Variants in CUBN observed in about 807,000 individuals in gnomAD.
CUBN encodes 460 kDa receptor.
In CUBN, 282 loss-of-function variants were observed where a neutral mutation model predicts 405.3. The ratio of observed to expected loss-of-function variants is 0.70; its 90% confidence interval spans 0.63 to 0.77. CUBN has a LOEUF of 0.77. Ranked by LOEUF, CUBN falls within the 30% of genes least tolerant of loss-of-function variation. CUBN has a pLI of 0.00. For missense variants in CUBN, 4,514 were observed against 4,475.2 expected, an observed-to-expected ratio of 1.01 and a Z score of -0.25; for synonymous variants, 1,684 against 1,617.0, an observed-to-expected ratio of 1.04 and a Z score of -0.99.
rs186741978 is a variant in CUBN, at chr10:16,957,306, T to C, written c.4696-2758A>G. On this transcript the variant is annotated intron_variant, in intron 31 of 66. Transcript: ENST00000377833. ...CATGCAATATTTATCTTTCTGTGCC[T>C]GGCTTATTTCCATGAACATAAAGTC... 2.9e-3 allele frequency among the ~76,000 whole-genome samples: 437 copies of C among 152,318 alleles called. 4 individuals are homozygous for C. Among genetic ancestry groups the C allele is most frequent in the East Asian group, 3.5e-3 (18 of 5,186 alleles).
intron 56 of CUBN, among the ~76,000 whole-genome samples, chr10:16,887,730 T>A (rs915342514): frequency 2.0e-5 from 3 of 152,172 alleles, no homozygotes; most frequent in African/African-American, 7.2e-5. Context: ...TGGGCATAGA[T>A]CCAAAGGAAA....
intron 25 of CUBN, among the ~76,000 whole-genome samples, chr10:17,044,500 A>G (rs1201494329): frequency 6.6e-6 from 1 of 152,046 alleles, no homozygotes; most frequent in African/African-American, 2.4e-5. Context: ...AAAGCCCAAT[A>G]CATATTGTAA....
At chr10:17,122,303 C>G (rs1338181225) in intron 6 of CUBN, 1 of 228,192 alleles carries the variant, frequency 4.4e-6, no homozygotes, top group Non-Finnish European at 8.8e-6. Flanking sequence ...TTCATTGAAC[C>G]TCAGTTTAAT....
chr10:17,036,046 A>G (rs1202862725), intron 27 of CUBN, among the ~76,000 whole-genome samples: 4 of 152,090 alleles, frequency 2.6e-5, no homozygotes, highest in Admixed American at 2.0e-4. Flanking sequence ...TTAGCATTCC[A>G]GCGGAATCTA....
intron 31 of CUBN, among the ~76,000 whole-genome samples, chr10:16,972,283 A>T (rs1208710941): frequency 6.6e-6 from 1 of 152,078 alleles, no homozygotes; most frequent in Non-Finnish European, 1.5e-5. Context: ...ATAACCACCC[A>T]ATATACAGAA....
chr10:16,961,814 C>T (rs2131646622), intron 31 of CUBN, among the ~76,000 whole-genome samples: 1 of 147,998 alleles, frequency 6.8e-6, no homozygotes, highest in Admixed American at 6.9e-5. Context: ...CGGGTTCACG[C>T]CATTCTCCTG....
In CUBN at chr10:16,961,428, A is replaced by G. The variant is rs1259595396; in HGVS notation, c.4696-6880T>C. On this transcript the variant is annotated intron_variant, in intron 31 of 66. Coordinates refer to ENST00000377833, the MANE Select transcript of CUBN (RefSeq NM_001081.4). ...ATTTGCATAAATGTCCATCATTTCT[A>G]AAGTTAACATGTGTTCAACTTTGTC... Among the ~76,000 whole-genome samples the G allele has an allele frequency of 2.6e-5, 4 of 152,152 alleles. No individual in the cohort carries two copies. In the East Asian group the frequency reaches 5.8e-4, roughly 22 times the overall value.
In CUBN at chr10:16,940,255, A is replaced by T. The variant is rs1439395528; in HGVS notation, c.5343-18T>A. On this transcript the variant is annotated intron_variant, in intron 36 of 66. Coordinates refer to ENST00000377833, the MANE Select transcript of CUBN (RefSeq NM_001081.4). Reference sequence around the variant, plus strand: ...GGAAAGATCTGATTTGGGGAAAAAAATATTTAAAGGGATTAAATTGAGAGA... The same window carrying T: ...GGAAAGATCTGATTTGGGGAAAAAATTATTTAAAGGGATTAAATTGAGAGA... 1 of 1,603,064 alleles carries T rather than the reference A, an allele frequency of 6.2e-7. No homozygotes were observed.
chr10:17,057,623 G>A (rs766607157), intron 22 of CUBN, among the ~76,000 whole-genome samples: 1 of 151,864 alleles, frequency 6.6e-6, no homozygotes, highest in Non-Finnish European at 1.5e-5. Flanking sequence ...GAATGAATAC[G>A]TCCACAAAAA....
Position 16,933,202 on chromosome 10 carries a change from T to C in CUBN, c.6009A>G (p.Arg2003=), listed in dbSNP as rs142138187. 1.2e-5 allele frequency: 20 copies of C among 1,613,968 alleles called. No homozygotes were observed. Among genetic ancestry groups the C allele is most frequent in the Non-Finnish European group, 1.7e-5 (20 of 1,179,970 alleles). ...CCTGGATGAGCCACGTACAGTCCAC[T>C]CTATTACTGTAACTGTCAGGCCAGC... ...SPGWPDSYSN[R]VDCTWLIQAP... Residue 2003 remains arginine, a synonymous_variant, in exon 40 of 67, where the codon AGA becomes AGG. Transcript: ENST00000377833.
chr10:17,087,680 T>G (rs1270245486), intron 15 of CUBN, among the ~76,000 whole-genome samples: 1 of 151,970 alleles, frequency 6.6e-6, no homozygotes, highest in Non-Finnish European at 1.5e-5. Flanking sequence ...TTCACCATGT[T>G]GGCCAGGCTG....
intron 29 of CUBN, among the ~76,000 whole-genome samples, chr10:16,988,702 A>T (rs1364862293): frequency 6.6e-6 from 1 of 152,156 alleles, no homozygotes; most frequent in Non-Finnish European, 1.5e-5. Flanking sequence ...AGTTTTTGTT[A>T]AAGTTTCCTG....
At chr10:17,110,309 C>A (rs572843199) in intron 9 of CUBN, among the ~76,000 whole-genome samples, 2 of 152,138 alleles carry the variant, frequency 1.3e-5, no homozygotes, top group Non-Finnish European at 2.9e-5. Flanking sequence ...ACAAATTATT[C>A]GTGAGGGCAA....
At chr10:16,944,704 G>A (rs1030128443) in intron 36 of CUBN, among the ~76,000 whole-genome samples, 11 of 152,192 alleles carry the variant, frequency 7.2e-5, no homozygotes, top group African/African-American at 1.7e-4. Flanking sequence ...TCTTACAGGC[G>A]AGAAAGGAAA....
At chr10:16,944,637 A>C (rs545219309) in intron 36 of CUBN, among the ~76,000 whole-genome samples, 1 of 152,378 alleles carries the variant, frequency 6.6e-6, no homozygotes, top group South Asian at 2.1e-4. Flanking sequence ...TGCAGCCTAA[A>C]ACGTCCATTT....
At chr10:17,097,729 A>G (rs1260645016) in intron 14 of CUBN, among the ~76,000 whole-genome samples, 2 of 152,222 alleles carry the variant, frequency 1.3e-5, no homozygotes, top group Non-Finnish European at 2.9e-5. Context: ...AAATCAATCA[A>G]TTTAACTCAC....
Position 16,954,424 on chromosome 10 carries a change from C to A in CUBN, c.4820G>T (p.Arg1607Ile), listed in dbSNP as rs763801084. Residue 1607 changes from arginine to isoleucine, a missense_variant, in exon 32 of 67, where the codon AGA (arginine) becomes ATA (isoleucine). Around this residue, in one of 5 missense-constraint regions of CUBN, gnomAD observed 1,613 missense variants for 1,542.8 expected, o/e 1.05. Coordinates refer to ENST00000377833, the MANE Select transcript of CUBN (RefSeq NM_001081.4). ...TTGAGCTCGGAAGCCTCTGTTCTGT[C>A]TGGAAGGGCCAGACTGAAATCTCAA... ...LFLRFQSGPS[R>I]QNRGFRAQFR... 1.7e-5 allele frequency: 27 copies of A among 1,614,148 alleles called. No homozygotes were observed. In the Admixed American group the frequency reaches 4.3e-4, roughly 26 times the overall value.
intron 59 of CUBN, among the ~76,000 whole-genome samples, chr10:16,854,251 G>A (rs574357730): frequency 2.0e-5 from 3 of 152,146 alleles, no homozygotes; most frequent in Non-Finnish European, 2.9e-5. Flanking sequence ...ATATGCATGG[G>A]CAAGCATAAC....
At chr10:16,978,752 C>CTTTTG (rs1017359927) in intron 31 of CUBN, among the ~76,000 whole-genome samples, 1 of 152,062 alleles carries the variant, frequency 6.6e-6, no homozygotes, top group African/African-American at 2.4e-5. Flanking sequence ...AGATGAAAAA[C>CTTTTG]TTTTTGTTAG....
Sources: allele counts gnomAD v4.1 joint callset (sites outside exome capture counted in the v4.1 genomes callset), GRCh38; gene constraint gnomAD v4.1.1; regional missense constraint gnomAD v4.1.1; transcripts MANE v1.5; gene names NCBI Gene and HGNC (gene_info 2026-07-23, HGNC 2026-07-21).